XXYLT1: variants seen among roughly 807,000 people sequenced by gnomAD.
XXYLT1 encodes the protein UDP-xylose:alpha-xyloside alpha-1,3-xylosyltransferase.
In XXYLT1, 20 loss-of-function variants were observed where a neutral mutation model predicts 28.9. The ratio of observed to expected loss-of-function variants is 0.69; its 90% CI spans 0.49 to 1.00. The LOEUF is 1.00. Among genes scored for constraint, XXYLT1 ranks in the 50% least tolerant of loss-of-function variants. The pLI is 0.00. For missense variants in XXYLT1, 542 were observed against 560.1 expected (o/e 0.97, Z 0.33); for synonymous variants, 257 against 253.8 (o/e 1.01, Z -0.12).
intron 1 of XXYLT1, chr3:195,247,893 G>T: frequency 1.5e-6 from 1 of 683,426 alleles, no homozygotes; most frequent in African/African-American, 1.8e-5. Flanking sequence ...TCAAACAGCA[G>T]ATCTCCTGAG....
intron 2 of XXYLT1, chr3:195,175,567 G>T (rs1209033406): frequency 3.3e-6 from 5 of 1,535,070 alleles, no homozygotes; most frequent in Non-Finnish European, 4.4e-6. Context: ...TAGGACACAG[G>T]TCTGGGTGTT....
intron 1 of XXYLT1, among the ~76,000 whole-genome samples, chr3:195,238,288 G>C (rs1724638660): frequency 6.6e-6 from 1 of 152,108 alleles, no homozygotes; most frequent in African/African-American, 2.4e-5. Flanking sequence ...GCCCCCATCT[G>C]CCTGGTAAGA....
chr3:195,170,524 T>C (rs1025951535), intron 2 of XXYLT1, among the ~76,000 whole-genome samples: 2 of 152,214 alleles, frequency 1.3e-5, no homozygotes, highest in Admixed American at 1.3e-4. Context: ...CAAATGCATT[T>C]GTCAAAGAAA....
chr3:195,186,325 T>C (rs971372102), intron 2 of XXYLT1, among the ~76,000 whole-genome samples: 20 of 152,110 alleles, frequency 1.3e-4, no homozygotes, highest in African/African-American at 3.9e-4. Context: ...ATGCAAACCA[T>C]ATTACTCCAT....
intron 3 of XXYLT1, among the ~76,000 whole-genome samples, chr3:195,071,863 T>TACC (rs1295857037): frequency 6.6e-6 from 1 of 152,128 alleles, no homozygotes; most frequent in African/African-American, 2.4e-5. Context: ...GAGCTCGATT[T>TACC]ACCCTTCGAG....
intron 2 of XXYLT1, among the ~76,000 whole-genome samples, chr3:195,197,654 G>C (rs1284604053): frequency 1.3e-5 from 2 of 152,078 alleles, no homozygotes; most frequent in Non-Finnish European, 2.9e-5. Context: ...ACAAATTAAA[G>C]TCCTATAAAA....
At chr3:195,109,441 T>TGTGGTATATGTGTGC (rs1320183555) in intron 3 of XXYLT1, among the ~76,000 whole-genome samples, 4 of 151,366 alleles carry the variant, frequency 2.6e-5, no homozygotes, top group African/African-American at 9.7e-5. Flanking sequence ...TGTATGAGTG[T>TGTGGTATATGTGTGC]GTGGTATATG....
At chr3:195,073,376 G>A (rs116154204) in intron 3 of XXYLT1, among the ~76,000 whole-genome samples, 2,476 of 152,308 alleles carry the variant, frequency 0.016, 58 homozygotes, top group African/African-American at 0.05. Context: ...CGTATATTCA[G>A]GGGCACTGTC....
intron 3 of XXYLT1, among the ~76,000 whole-genome samples, chr3:195,110,663 T>G (rs1717614793): frequency 1.3e-5 from 1 of 78,752 alleles, no homozygotes; most frequent in African/African-American, 4.3e-5. Context: ...TGGTGTGTTG[T>G]GTGTGGTGTA....
chr3:195,164,565 G>A (rs1299479615), intron 2 of XXYLT1, among the ~76,000 whole-genome samples: 1 of 152,242 alleles, frequency 6.6e-6, no homozygotes, highest in Non-Finnish European at 1.5e-5. Context: ...TAGCAAGGAG[G>A]ACCAGGCCAG....
At chr3:195,119,982 C>A (rs1388591327) in intron 3 of XXYLT1, among the ~76,000 whole-genome samples, 1 of 152,164 alleles carries the variant, frequency 6.6e-6, no homozygotes, top group Non-Finnish European at 1.5e-5. Context: ...ATGGGAAGTT[C>A]CCACTGGGCC....
At position 195,077,055 on chromosome 3, in the gene XXYLT1, C is replaced by T. The variant is rs191789377; in HGVS notation, c.786-6944G>A. 4.1e-4 allele frequency among the ~76,000 whole-genome samples: 63 copies of T among 152,312 alleles called. No individual in the cohort carries two copies. The highest frequency in any genetic ancestry group is 1.4e-3 in the African/African-American group (60 of 41,558). On this transcript the variant is annotated intron_variant, in intron 3 of 3. Coordinates refer to ENST00000310380, the MANE Select transcript of XXYLT1 (RefSeq NM_152531.5). This position sits in a 1 kb window ranked among gnomAD's most constrained non-coding sequence, Gnocchi z 4.8. ...CCACAGCTCACTGGTACCTTGTTCTCACTGTCCAGGGACTCAGAGGACACC... is the reference window on the plus strand; with the variant it reads ...CCACAGCTCACTGGTACCTTGTTCTTACTGTCCAGGGACTCAGAGGACACC...
chr3:195,106,568 C>T (rs1717103109), intron 3 of XXYLT1, among the ~76,000 whole-genome samples: 1 of 152,126 alleles, frequency 6.6e-6, no homozygotes, highest in Non-Finnish European at 1.5e-5. Flanking sequence ...GACCCGCGTG[C>T]AGATCCGGCC....
intron 2 of XXYLT1, among the ~76,000 whole-genome samples, chr3:195,203,737 T>G (rs59739718): frequency 1.5e-3 from 233 of 152,224 alleles, no homozygotes; most frequent in African/African-American, 5.3e-3. Context: ...CACAGCCCCT[T>G]GGAGCAGTGT....
chr3:195,124,520 G>T lies in XXYLT1; in HGVS notation c.785+31929C>A, dbSNP rs1438489475. Among the ~76,000 whole-genome samples, 1 of 152,176 alleles carries T rather than the reference G, an allele frequency of 6.6e-6. No individual in the cohort carries two copies. Among genetic ancestry groups the T allele is most frequent in the Non-Finnish European group, 1.5e-5 (1 of 68,032 alleles). On this transcript the variant is annotated intron_variant, in intron 3 of 3. Transcript: ENST00000310380. This position sits in a 1 kb window ranked among gnomAD's most constrained non-coding sequence, Gnocchi z 4.1. ...TAGTGTTTCTAGGCCTCCCCCTCTA[G>T]ACTGTGAATTCCGTGGGGGCAAGGA...
chr3:195,094,822 A>G, intron 3 of XXYLT1: 1 of 153,646 alleles, frequency 6.5e-6, no homozygotes, highest in Non-Finnish European at 1.5e-5. Context: ...CTGATTAGCA[A>G]ATGCTGCCTC....
rs369419528 is a variant in XXYLT1 at position 195,124,915 on chromosome 3, A to G, written c.785+31534T>C. On this transcript the variant is annotated intron_variant, in intron 3 of 3. Transcript: ENST00000310380. The surrounding 1 kb of genome is among the most constrained non-coding windows in gnomAD (Gnocchi z 4.1). Reference sequence around the variant, plus strand: ...ATTTTCTATCAGGCTGCGGGTGCACAAGGCTGTCCCGGGTTATTTGAAGGA... The same window carrying G: ...ATTTTCTATCAGGCTGCGGGTGCACGAGGCTGTCCCGGGTTATTTGAAGGA... 6.6e-6 allele frequency among the ~76,000 whole-genome samples: 1 copy of G among 152,186 alleles called. No homozygotes were observed. Among genetic ancestry groups the G allele is most frequent in the South Asian group, 2.1e-4 (1 of 4,832 alleles).
At chr3:195,213,409 C>A (rs60956292) in intron 2 of XXYLT1, among the ~76,000 whole-genome samples, 2,545 of 152,228 alleles carry the variant, frequency 0.017, 73 homozygotes, top group African/African-American at 0.056. Flanking sequence ...GGATTACAGG[C>A]ATGCGCCACC....
rs953692346 is a variant in XXYLT1 at position 195,240,043 on chromosome 3, C to A, written c.505-13187G>T. Among the ~76,000 whole-genome samples the A allele has an allele frequency of 6.6e-6, 1 of 152,216 alleles. No homozygotes were observed. Among genetic ancestry groups the A allele is most frequent in the Non-Finnish European group, 1.5e-5 (1 of 68,036 alleles). ...AATCTGTGTTAAATTTCTCTGCCTACTTTTATTTTTAATTACTTCTGCATC... is the reference window on the plus strand; with the variant it reads ...AATCTGTGTTAAATTTCTCTGCCTAATTTTATTTTTAATTACTTCTGCATC... On this transcript the variant is annotated intron_variant, in intron 1 of 3. Transcript: ENST00000310380. The surrounding 1 kb of genome is among the most constrained non-coding windows in gnomAD (Gnocchi z 4.7).
Sources: allele counts gnomAD v4.1 joint callset (sites outside exome capture counted in the v4.1 genomes callset), GRCh38; gene constraint gnomAD v4.1.1; non-coding constraint Gnocchi (gnomAD v3.1); transcripts MANE v1.5; gene names NCBI Gene and HGNC (gene_info 2026-07-23, HGNC 2026-07-21).